The following PCDHGC3 variants were observed in gnomAD, a reference collection of about 807,000 sequenced individuals.
PCDHGC3 encodes the protein protocadherin gamma subfamily C, 3, also known as protocadherin gamma-C3.
Under a neutral mutation model 59.2 loss-of-function variants are expected in PCDHGC3, and 26 were observed. That is an observed-to-expected ratio of 0.44 (90% CI 0.32 to 0.61). The LOEUF is 0.61. Among genes scored for constraint, PCDHGC3 ranks in the 20% least tolerant of loss-of-function variants. The pLI, the probability that PCDHGC3 is intolerant of heterozygous loss-of-function variation, is 0.05. For synonymous variants in PCDHGC3, 487 were observed against 519.7 expected (o/e 0.94, Z 0.86); for missense variants, 1,080 against 1,221.8 (o/e 0.88, Z 1.73).
At position 141,486,646 on chromosome 5, in the gene PCDHGC3, C is replaced by T; in HGVS notation, c.2430+8100C>T. On this transcript the variant is annotated intron_variant, in intron 1 of 3. Transcript: ENST00000308177. The surrounding 1 kb of genome is among the most constrained non-coding windows in gnomAD (Gnocchi z 5.0). ...ACTCTGGCTTGAATGCGCTTATCTC[C>T]TACTCACTCCTGGAGCCCAGGAATC... is the stretch of plus-strand genomic sequence containing the variant. 4.3e-6 allele frequency: 7 copies of T among 1,613,916 alleles called. No individual in the cohort carries two copies. Among genetic ancestry groups the T allele is most frequent in the African/African-American group, 1.3e-5 (1 of 75,058 alleles).
chr5:141,509,157 C>T lies in PCDHGC3; in HGVS notation c.2579-1790C>T, dbSNP rs369133984. Among the ~76,000 whole-genome samples the T allele has an allele frequency of 2.6e-4, 40 of 152,314 alleles. No individual in the cohort carries two copies. In the South Asian group the frequency reaches 7.0e-3, roughly 27 times the overall value. On this transcript the variant is annotated intron_variant, in intron 3 of 3. Transcript: ENST00000308177. The stretch of plus-strand genomic sequence containing the variant: ...GAGGCGCATCCCGGCTCTCCCCTCC[C>T]GTGTGCCCTCCTCCTCTTATGCCGG...
chr5:141,505,342 T>C (rs2099845433), intron 2 of PCDHGC3, 51 bp from the exon 3 acceptor site: 1 of 1,612,738 alleles, frequency 6.2e-7, no homozygotes, highest in African/African-American at 1.3e-5. Flanking sequence ...AGGAGGGGCA[T>C]GAGCTGTGCC....
At position 141,489,503 on chromosome 5, in the gene PCDHGC3, A is replaced by T; in HGVS notation, c.2431-5304A>T. 1 of 1,614,092 alleles carries T rather than the reference A, an allele frequency of 6.2e-7. No homozygotes were observed. ...ATGAGTGGTGCCCTGGCAGTGAATC[A>T]AAAGATTGACCGAGAAAGCCTATGT... is the stretch of plus-strand genomic sequence containing the variant. On this transcript the variant is annotated intron_variant, in intron 1 of 3. Transcript: ENST00000308177. The surrounding 1 kb of genome is among the most constrained non-coding windows in gnomAD (Gnocchi z 4.5).
rs1468210173 is a variant in PCDHGC3 at position 141,512,170 on chromosome 5, A to T, written c.*997A>T. 1 of 152,720 alleles carries T rather than the reference A, an allele frequency of 6.5e-6. No homozygotes were observed. The highest frequency in any genetic ancestry group is 1.5e-5 in the Non-Finnish European group (1 of 68,120). The allele number at this position is 152,720 out of a possible 1,614,324, so 9.5% of individuals were successfully genotyped here. On this transcript the variant is annotated 3_prime_UTR_variant, in exon 4 of 4. Coordinates refer to ENST00000308177, the MANE Select transcript of PCDHGC3 (RefSeq NM_002588.4). ...TGGGCTGAGCTAACAGGACCAATGG[A>T]TTAAACTGGCATTTCAGTCCAAGGA...
rs1024686607 is a variant in PCDHGC3, at chr5:141,487,597, T to C, written c.2431-7210T>C. 6.2e-7 allele frequency: 1 copy of C among 1,614,178 alleles called. No homozygotes were observed. The highest frequency in any genetic ancestry group is 8.5e-7 in the Non-Finnish European group (1 of 1,180,040). ...TTCGCCCAAGCTGCCCACCCTCTGA[T>C]CTTCTCTATGGGCTAGAGGTGAGAC... On this transcript the variant is annotated intron_variant, in intron 1 of 3. Coordinates refer to ENST00000308177, the MANE Select transcript of PCDHGC3 (RefSeq NM_002588.4). The surrounding 1 kb of genome is among the most constrained non-coding windows in gnomAD (Gnocchi z 5.0).
In PCDHGC3 at chr5:141,512,926, T is replaced by C. The variant is rs1438111849; in HGVS notation, c.*1753T>C. The C allele has an allele frequency of 6.6e-6, 1 of 152,216 alleles. No homozygotes were observed. The highest frequency in any genetic ancestry group is 1.5e-5 in the Non-Finnish European group (1 of 68,048). 9.4% of individuals were successfully genotyped at this position (152,216 alleles called of 1,614,324 possible). A position where few individuals can be genotyped will look rare whatever the true frequency, so the allele number is the denominator to read the frequency against. On this transcript the variant is annotated 3_prime_UTR_variant, in exon 4 of 4. Coordinates refer to ENST00000308177, the MANE Select transcript of PCDHGC3 (RefSeq NM_002588.4). ...CGCAAGTTTTATACTCTAATATTTA[T>C]ATGGCTTTTTTTCTTCGACAAAAAA...
In PCDHGC3 at chr5:141,477,891, G is replaced by T. The variant is rs750359063; in HGVS notation, c.1775G>T (p.Arg592Leu). 10 of 1,614,066 alleles carry T rather than the reference G, an allele frequency of 6.2e-6. No individual in the cohort carries two copies. The African/African-American group carries it at 1.2e-4, about 19-fold the overall frequency. Reference protein sequence around the residue: ...RGTSAGHLVSRVVGWDADAGH... With the variant: ...RGTSAGHLVSLVVGWDADAGH... ...ACCTCAGCTGGCCACCTAGTGTCAC[G>T]GGTGGTAGGCTGGGACGCGGATGCA... is the stretch of plus-strand genomic sequence containing the variant. Residue 592 changes from arginine (R) to leucine (L), a missense_variant, in exon 1 of 4, where the codon CGG becomes CTG. Physicochemically the swap from Arg to Leu is moderately radical, Grantham distance 102 (BLOSUM62 -2). Coordinates refer to ENST00000308177, the MANE Select transcript of PCDHGC3 (RefSeq NM_002588.4). This position sits in a 1 kb window ranked among gnomAD's most constrained non-coding sequence, Gnocchi z 4.9.
intron 1 of PCDHGC3, 84 bp from the exon 2 acceptor site, chr5:141,494,723 C>T: frequency 1.9e-6 from 3 of 1,606,114 alleles, no homozygotes; most frequent in Non-Finnish European, 2.6e-6. Flanking sequence ...TCCCCTCCTT[C>T]TCTCCCGGCC....
rs374154790 is a variant in PCDHGC3, at chr5:141,490,709, C to A, written c.2431-4098C>A. The A allele has an allele frequency of 3.2e-5, 52 of 1,614,218 alleles. No homozygotes were observed. In the African/African-American group the frequency reaches 6.3e-4, roughly 19 times the overall value. On this transcript the variant is annotated intron_variant, in intron 1 of 3. Coordinates refer to ENST00000308177, the MANE Select transcript of PCDHGC3 (RefSeq NM_002588.4). The surrounding 1 kb of genome is among the most constrained non-coding windows in gnomAD (Gnocchi z 5.4). ...GACACTGGGGATAATGCCCGCCTCA[C>A]CTACTCCATTGTAGGAAATCAGGTT...
At chr5:141,509,319 G>A (rs1427191152) in intron 3 of PCDHGC3, among the ~76,000 whole-genome samples, 3 of 152,216 alleles carry the variant, frequency 2.0e-5, no homozygotes, top group African/African-American at 4.8e-5. Context: ...TGGGAGAGAA[G>A]CTCTACTGCC....
rs770249472 is a variant in PCDHGC3, at chr5:141,477,747, C to T, written c.1631C>T (p.Thr544Ile). Residue 544 changes from threonine (T) to isoleucine (I), a missense_variant, in exon 1 of 4, where the codon ACC (threonine) becomes ATC (isoleucine). By Grantham distance (89) the Thr-to-Ile change is moderately conservative. Transcript: ENST00000308177. The surrounding 1 kb of genome is among the most constrained non-coding windows in gnomAD (Gnocchi z 4.9). ...ACAGCTCATATCAGCGATGGGGGCA[C>T]CCCGGTCCTAGCCACCAACATCAGC... ...ELTAHISDGG[T>I]PVLATNISVN... is the part of the protein sequence containing the mutation. 6.2e-7 allele frequency: 1 copy of T among 1,613,840 alleles called. No individual in the cohort carries two copies. The highest frequency in any genetic ancestry group is 1.7e-5 in the Admixed American group (1 of 60,026).
intron 1 of PCDHGC3, among the ~76,000 whole-genome samples, chr5:141,484,358 G>A (rs2099595185): frequency 6.6e-6 from 1 of 152,160 alleles, no homozygotes; most frequent in South Asian, 2.1e-4. Flanking sequence ...AGTGTATCTA[G>A]TGTATCACTA....
Position 141,485,261 on chromosome 5 carries a change from C to G in PCDHGC3, c.2430+6715C>G, listed in dbSNP as rs759268725. 1 of 1,614,076 alleles carries G rather than the reference C, an allele frequency of 6.2e-7. No homozygotes were observed. The highest frequency in any genetic ancestry group is 8.5e-7 in the Non-Finnish European group (1 of 1,179,904). On this transcript the variant is annotated intron_variant, in intron 1 of 3. Transcript: ENST00000308177. This position sits in a 1 kb window ranked among gnomAD's most constrained non-coding sequence, Gnocchi z 5.7. The stretch of plus-strand genomic sequence containing the variant: ...TTACCACCTGGGTTACGTTTGTGGG[C>G]AGATCCGCTACCCGGTCCCAGAGGA...
At chr5:141,495,052 CTGTT>C (rs1406995321) in intron 2 of PCDHGC3, among the ~76,000 whole-genome samples, 187 bp downstream of exon 2, 1 of 152,190 alleles carries the variant, frequency 6.6e-6, no homozygotes, top group Non-Finnish European at 1.5e-5. Context: ...ACTGCCCTGA[CTGTT>C]CAGGAAGCTC....
chr5:141,477,031 A>G lies in PCDHGC3; in HGVS notation c.915A>G (p.Thr305=). 2 of 1,614,248 alleles carry G rather than the reference A, an allele frequency of 1.2e-6. No homozygotes were observed. The highest frequency in any genetic ancestry group is 2.2e-5 in the East Asian group (1 of 44,880). The change falls in exon 1 of 4, where the codon ACA becomes ACG. Residue 305 remains threonine (T), a synonymous_variant. Transcript: ENST00000308177. This position sits in a 1 kb window ranked among gnomAD's most constrained non-coding sequence, Gnocchi z 4.9. ...TAGACCTTGTAACCGGGATGCTGAC[A>G]ATCAAGGGTCGGCTGGACTTCGAGG... ...FALDLVTGML[T]IKGRLDFEDT... is the part of the protein sequence containing the mutation.
chr5:141,505,645 G>A (rs997169182), intron 3 of PCDHGC3, 164 bp downstream of exon 3: 2 of 964,274 alleles, frequency 2.1e-6, no homozygotes, highest in African/African-American at 1.8e-5. Flanking sequence ...GCCTGGAATT[G>A]TGGCTAAGGA....
rs201538255 is a variant in PCDHGC3 at position 141,476,796 on chromosome 5, G to A, written c.680G>A (p.Ser227Asn). 10 of 1,613,584 alleles carry A rather than the reference G, an allele frequency of 6.2e-6. No individual in the cohort carries two copies. In the East Asian group the frequency reaches 2.2e-4, roughly 36 times the overall value. The change falls in exon 1 of 4, where the codon AGC (serine) becomes AAC (asparagine). Residue 227 changes from serine (S) to asparagine (N), a missense_variant. Transcript: ENST00000308177. This position sits in a 1 kb window ranked among gnomAD's most constrained non-coding sequence, Gnocchi z 7.6. Reference protein sequence around the residue: ...LDGGTPALSASLPIHIKVLDA... With the variant: ...LDGGTPALSANLPIHIKVLDA... Reference sequence around the variant, plus strand: ...GGAGGGACCCCAGCTCTCTCCGCCAGCCTGCCTATTCACATCAAGGTGCTG... The same window carrying A: ...GGAGGGACCCCAGCTCTCTCCGCCAACCTGCCTATTCACATCAAGGTGCTG...
intron 2 of PCDHGC3, among the ~76,000 whole-genome samples, chr5:141,499,496 T>C (rs1167360015): frequency 6.6e-6 from 1 of 152,182 alleles, no homozygotes; most frequent in East Asian, 1.9e-4. Flanking sequence ...CAGTTTAATA[T>C]GAAACATTTC....
rs370503146 is a variant in PCDHGC3 at position 141,511,012 on chromosome 5, G to A, written c.2644G>A (p.Gly882Arg). 11 of 1,614,060 alleles carry A rather than the reference G, an allele frequency of 6.8e-6. No individual in the cohort carries two copies. Among genetic ancestry groups the A allele is most frequent in the Middle Eastern group, 1.6e-4 (1 of 6,084 alleles). ...AGTMGLSARYGPQFTLQHVPD... is the reference protein window; with the variant it reads ...AGTMGLSARYRPQFTLQHVPD... The stretch of plus-strand genomic sequence containing the variant: ...CACCATGGGATTGAGCGCCCGCTAC[G>A]GACCCCAGTTCACCCTGCAGCACGT... The change falls in exon 4 of 4, where the codon GGA (glycine) becomes AGA (arginine). Residue 882 changes from glycine (G) to arginine (R), a missense_variant. Transcript: ENST00000308177.
Sources: allele counts gnomAD v4.1 joint callset (sites outside exome capture counted in the v4.1 genomes callset), GRCh38; gene constraint gnomAD v4.1.1; non-coding constraint Gnocchi (gnomAD v3.1); transcripts MANE v1.5; gene names NCBI Gene and HGNC (gene_info 2026-07-23, HGNC 2026-07-21).